The following RPS3 variants were observed in gnomAD, a reference collection of about 807,000 sequenced individuals.
RPS3 encodes the protein ribosomal protein S3.
In RPS3, 2 loss-of-function variants were observed where a neutral mutation model predicts 25.8. That is an observed-to-expected ratio of 0.08 (90% CI 0.03 to 0.24). The LOEUF (loss-of-function observed/expected upper bound fraction) is 0.24, where lower values mean the gene tolerates loss of function less well. Ranked by LOEUF, RPS3 falls within the 10% of genes least tolerant of loss-of-function variation. The pLI, the probability that RPS3 is intolerant of heterozygous loss-of-function variation, is 1.00. For synonymous variants in RPS3, 114 were observed against 114.2 expected (o/e 1.00, Z 0.01); for missense variants, 107 against 307.1 (o/e 0.35, Z 4.87).
At chr11:75,399,856 T>A (rs989814350) in intron 1 of RPS3, 9 of 538,474 alleles carry the variant, frequency 1.7e-5, no homozygotes, top group African/African-American at 1.4e-4. Flanking sequence ...TCAACGGAAT[T>A]AGTAAACGTG....
downstream of RPS3, among the ~76,000 whole-genome samples, chr11:75,411,043 GT>G (rs1254232242): frequency 6.6e-6 from 1 of 151,680 alleles, no homozygotes; most frequent in Non-Finnish European, 1.5e-5. Flanking sequence ...CGCCTGGCTA[GT>G]TTTTTGTATT....
At chr11:75,409,820 C>T (rs1217594605), downstream of RPS3, among the ~76,000 whole-genome samples, 2 of 147,458 alleles carry the variant, frequency 1.4e-5, no homozygotes, top group African/African-American at 2.5e-5. Context: ...GGGGGCTGAC[C>T]CCCCCACCTC....
downstream of RPS3, among the ~76,000 whole-genome samples, chr11:75,408,929 C>T (rs1453144843): frequency 3.3e-5 from 5 of 152,120 alleles, no homozygotes; most frequent in Non-Finnish European, 7.4e-5. Context: ...ATAAATTATG[C>T]TGGGACTCCC....
At chr11:75,411,538 C>T (rs1271112928), downstream of RPS3, among the ~76,000 whole-genome samples, 5 of 151,864 alleles carry the variant, frequency 3.3e-5, no homozygotes, top group African/African-American at 1.2e-4. Flanking sequence ...TACAGGTGCC[C>T]GCTACCATGC....
chr11:75,413,017 C>T (rs756980218), intron 6 of RPS3, among the ~76,000 whole-genome samples: 32 of 152,208 alleles, frequency 2.1e-4, no homozygotes, highest in Non-Finnish European at 4.1e-4. Flanking sequence ...AAGTGATCTG[C>T]CCACCTTGGC....
intron 6 of RPS3, among the ~76,000 whole-genome samples, chr11:75,417,236 G>C (rs1230475160): frequency 1.3e-5 from 2 of 152,140 alleles, no homozygotes; most frequent in South Asian, 4.1e-4. Flanking sequence ...TTGGGAGGCC[G>C]AAATGGGAGA....
At chr11:75,410,079 CTCCCCCCT>C (rs1338129338), downstream of RPS3, among the ~76,000 whole-genome samples, 2 of 133,482 alleles carry the variant, frequency 1.5e-5, no homozygotes, top group African/African-American at 6.8e-5. Flanking sequence ...TGACCCCCCC[CTCCCCCCT>C]CCCGGACTGG....
rs1423772244 is a variant in RPS3, at chr11:75,400,822, C to A, written c.159C>A (p.Thr53=). Residue 53 remains threonine (T), a splice_region_variant and synonymous_variant, in exon 2 of 7, where the codon ACC becomes ACA. Coordinates refer to ENST00000531188, the MANE Select transcript of RPS3 (RefSeq NM_001005.5). ...GGACAGAAATCATTATCTTAGCCAC[C>A]AGGTAAAACTCATTTGACTGGCCAT... is the stretch of plus-strand genomic sequence containing the variant. ...PTRTEIIILA[T]RTQNVLGEKG... is the part of the protein sequence containing the mutation. 1.9e-6 allele frequency: 3 copies of A among 1,610,976 alleles called. No homozygotes were observed. Among genetic ancestry groups the A allele is most frequent in the Non-Finnish European group, 2.5e-6 (3 of 1,178,988 alleles).
downstream of RPS3, among the ~76,000 whole-genome samples, chr11:75,409,666 T>C: frequency 6.7e-6 from 1 of 149,326 alleles, no homozygotes; most frequent in Non-Finnish European, 1.5e-5. Context: ...AAAACCGCCA[T>C]TGTCATCATG....
downstream of RPS3, among the ~76,000 whole-genome samples, chr11:75,408,480 TA>T (rs1554990311): frequency 2.1e-4 from 29 of 140,412 alleles, no homozygotes; most frequent in Non-Finnish European, 3.5e-4. Context: ...CTCAAAAAAA[TA>T]AAAAAAAAAC....
intron 6 of RPS3, among the ~76,000 whole-genome samples, chr11:75,417,999 G>A (rs1948412930): frequency 6.6e-6 from 1 of 152,228 alleles, no homozygotes; most frequent in Admixed American, 6.5e-5. Flanking sequence ...GAAGGAAGTG[G>A]GCCTGCCTCT....
chr11:75,407,447 T>TA (rs377121148), downstream of RPS3, among the ~76,000 whole-genome samples: 316 of 151,564 alleles, frequency 2.1e-3, no homozygotes, highest in African/African-American at 6.9e-3. Context: ...CAGTTGAACT[T>TA]ACTTGAACAT....
intron 6 of RPS3, among the ~76,000 whole-genome samples, chr11:75,420,534 A>T (rs557214958): frequency 6.6e-6 from 1 of 152,240 alleles, no homozygotes; most frequent in Admixed American, 6.5e-5. Flanking sequence ...CTCTGCTGCC[A>T]CTTCCCAGCC....
downstream of RPS3, among the ~76,000 whole-genome samples, chr11:75,410,099 C>T (rs1291048556): frequency 3.6e-5 from 5 of 137,002 alleles, 1 homozygote; most frequent in African/African-American, 8.8e-5. Flanking sequence ...CCGGACTGGG[C>T]GGCTGGCCGG....
chr11:75,410,710 G>GC (rs1948347912), downstream of RPS3, among the ~76,000 whole-genome samples: 1 of 152,214 alleles, frequency 6.6e-6, no homozygotes, highest in Non-Finnish European at 1.5e-5. Flanking sequence ...AGCACTGAGT[G>GC]AACGAGACTC....
At chr11:75,419,738 A>T (rs888231473) in intron 6 of RPS3, among the ~76,000 whole-genome samples, 1 of 151,862 alleles carries the variant, frequency 6.6e-6, no homozygotes, top group Non-Finnish European at 1.5e-5. Flanking sequence ...GGTTCAAGCA[A>T]TTCTCCTGCC....
downstream of RPS3, among the ~76,000 whole-genome samples, chr11:75,409,229 G>A (rs1352534228): frequency 2.8e-5 from 4 of 143,360 alleles, no homozygotes; most frequent in Middle Eastern, 3.5e-3. Context: ...GGTGTTTCTC[G>A]CAGAGGGGGA....
At chr11:75,407,286 C>T (rs965905396), downstream of RPS3, among the ~76,000 whole-genome samples, 8 of 151,990 alleles carry the variant, frequency 5.3e-5, no homozygotes, top group African/African-American at 1.9e-4. Context: ...TACAGGCACC[C>T]GCCACCATGC....
At chr11:75,411,935 G>A (rs914269283) in intron 6 of RPS3, among the ~76,000 whole-genome samples, 1 of 152,200 alleles carries the variant, frequency 6.6e-6, no homozygotes, top group African/African-American at 2.4e-5. Flanking sequence ...TCAGCCTTAT[G>A]TGTGGTGCTG....
Sources: allele counts gnomAD v4.1 joint callset (sites outside exome capture counted in the v4.1 genomes callset), GRCh38; gene constraint gnomAD v4.1.1; transcripts MANE v1.5; gene names NCBI Gene and HGNC (gene_info 2026-07-23, HGNC 2026-07-21).